FBXO33: variants seen among roughly 807,000 people sequenced by gnomAD.
FBXO33 encodes F-box only protein 33.
A neutral mutation model predicts 46.3 loss-of-function variants in FBXO33; 22 were observed. The observed-to-expected ratio is 0.48, with a 90% CI of 0.34 to 0.68. The LOEUF (loss-of-function observed/expected upper bound fraction) is 0.68. FBXO33 is among the 30% of genes least tolerant of loss of function. FBXO33 has a pLI of 0.01. For synonymous variants in FBXO33, 337 were observed against 291.3 expected (o/e 1.16, Z -1.60); for missense variants, 692 against 708.8 (o/e 0.98, Z 0.27).
chr14:39,427,330 CCT>C (rs1299522016), intron 1 of FBXO33, among the ~76,000 whole-genome samples: 1 of 152,148 alleles, frequency 6.6e-6, no homozygotes, highest in Non-Finnish European at 1.5e-5. Flanking sequence ...CCCTAAGGAG[CCT>C]CTTTTTCAGT....
rs1215646580 is a variant in FBXO33, at chr14:39,401,662, G to T, written c.910C>A (p.Arg304=). ...GCAAGTGAGTGCAGATTCACAAATC[G>T]CTCCAGTTCAACTGCAGTAATAAGA... is the stretch of plus-strand genomic sequence containing the variant. The part of the protein sequence containing the change: ...STLITAVELE[R]FVNLHSLALD... The change falls in exon 3 of 4, where the codon CGA becomes AGA. Residue 304 remains arginine (R), a synonymous_variant. Transcript: ENST00000298097. The T allele has an allele frequency of 6.2e-7, 1 of 1,614,160 alleles. No individual in the cohort carries two copies. Among genetic ancestry groups the T allele is most frequent in the South Asian group, 1.1e-5 (1 of 91,080 alleles).
In FBXO33 at chr14:39,432,026, C is replaced by G. The variant is rs1364238055; in HGVS notation, c.137G>C (p.Arg46Pro). The G allele has an allele frequency of 7.1e-7, 1 of 1,405,292 alleles. No homozygotes were observed. Among genetic ancestry groups the G allele is most frequent in the Non-Finnish European group, 9.2e-7 (1 of 1,090,328 alleles). 87.1% of individuals were successfully genotyped at this position (1,405,292 alleles called of 1,614,324 possible). A position where few individuals can be genotyped will look rare whatever the true frequency, so the allele number is the denominator to read the frequency against. ...CCGGCTGCCGGCTCCCGGCCGCCCC[C>G]GCAGTACCCGGAGCAGCCCCCGCAG... ...RRLRGLLRVLRGRPGAGSRRR... is the reference protein window; with the variant it reads ...RRLRGLLRVLPGRPGAGSRRR... The change falls in exon 1 of 4, where the codon CGG becomes CCG. Residue 46 changes from arginine to proline, a missense_variant. Physicochemically the swap from Arg to Pro is moderately radical, Grantham distance 103 (BLOSUM62 -2). Around this residue, in one of 3 missense-constraint regions of FBXO33, gnomAD observed 412 missense variants for 370.8 expected, o/e 1.11. Transcript: ENST00000298097.
intron 1 of FBXO33, among the ~76,000 whole-genome samples, chr14:39,426,353 A>C (rs2075514583): frequency 1.3e-5 from 2 of 152,084 alleles, no homozygotes; most frequent in Admixed American, 1.3e-4. Flanking sequence ...CCTCCATCAT[A>C]GTTCAAGCTA....
chr14:39,405,697 G>A (rs2075393333), intron 1 of FBXO33, among the ~76,000 whole-genome samples: 1 of 151,870 alleles, frequency 6.6e-6, no homozygotes, highest in East Asian at 1.9e-4. Flanking sequence ...CCAACATTGT[G>A]AGAAAAATGT....
chr14:39,402,053 A>T (rs2075371113), intron 2 of FBXO33, among the ~76,000 whole-genome samples, 192 bp from the exon 3 acceptor site: 2 of 152,354 alleles, frequency 1.3e-5, no homozygotes, highest in South Asian at 4.1e-4. Context: ...GGTATATTAA[A>T]CATAAAGATC....
At chr14:39,419,752 T>C (rs1479252168) in intron 1 of FBXO33, among the ~76,000 whole-genome samples, 3 of 152,304 alleles carry the variant, frequency 2.0e-5, no homozygotes, top group African/African-American at 4.8e-5. Flanking sequence ...TTAAAAGACA[T>C]GTAACAAAAA....
In FBXO33 at chr14:39,432,343, C is replaced by T; in HGVS notation, c.-181G>A. The T allele has an allele frequency of 2.6e-6, 1 of 387,150 alleles. No individual in the cohort carries two copies. The highest frequency in any genetic ancestry group is 4.2e-6 in the Non-Finnish European group (1 of 238,492). The allele number at this position is 387,150 out of a possible 1,614,324, so 24.0% of individuals were successfully genotyped here. On this transcript the variant is annotated 5_prime_UTR_variant, in exon 1 of 4. Transcript: ENST00000298097. The stretch of plus-strand genomic sequence containing the variant: ...ACACTGAGTAACTGCACTGCCCTCG[C>T]TCGTAAACTTCAGCGGCCCGGAAGC...
chr14:39,428,820 T>C (rs1481806360), intron 1 of FBXO33, among the ~76,000 whole-genome samples: 1 of 152,328 alleles, frequency 6.6e-6, no homozygotes, highest in African/African-American at 2.4e-5. Flanking sequence ...CAATTTCTTA[T>C]AGAACGACTG....
chr14:39,397,927 CTG>C lies in FBXO33; in HGVS notation c.*1587_*1588del, dbSNP rs1381984236. On this transcript the variant is annotated 3_prime_UTR_variant, in exon 4 of 4. Transcript: ENST00000298097. Reference sequence around the variant, plus strand: ...TCACCACATCTGGCATTTACACACACTGTGCCAGTGGATTCACACTACTGATG... The same window carrying C: ...TCACCACATCTGGCATTTACACACACTGCCAGTGGATTCACACTACTGATG... The C allele has an allele frequency of 6.6e-6, 1 of 152,654 alleles. No homozygotes were observed. The highest frequency in any genetic ancestry group is 1.5e-5 in the Non-Finnish European group (1 of 68,042). 9.5% of individuals were successfully genotyped at this position (152,654 alleles called of 1,614,324 possible).
intron 1 of FBXO33, among the ~76,000 whole-genome samples, chr14:39,414,885 C>A (rs2075440207): frequency 6.6e-6 from 1 of 152,086 alleles, no homozygotes. Context: ...TCTTAAACTC[C>A]TGTGCTCAAG....
chr14:39,399,882 G>A, intron 3 of FBXO33, 95 bp from the exon 4 acceptor site: 1 of 1,322,782 alleles, frequency 7.6e-7, no homozygotes, highest in Non-Finnish European at 9.9e-7. Flanking sequence ...TTCTAGAGAA[G>A]CTTCAAATTT....
rs143272965 is a variant in FBXO33, at chr14:39,412,857, C to T, written c.600-10346G>A. 4.3e-4 allele frequency among the ~76,000 whole-genome samples: 65 copies of T among 152,354 alleles called. No homozygotes were observed. In the East Asian group the frequency reaches 6.9e-3, roughly 16 times the overall value. On this transcript the variant is annotated intron_variant, in intron 1 of 3. Coordinates refer to ENST00000298097, the MANE Select transcript of FBXO33 (RefSeq NM_203301.4). ...CAGCGTTATGTCTAAAAAAGCAATA[C>T]ATATACCTTAGGTAAAAAACACTTT...
At chr14:39,408,968 G>T (rs1357722544) in intron 1 of FBXO33, among the ~76,000 whole-genome samples, 2 of 151,796 alleles carry the variant, frequency 1.3e-5, no homozygotes, top group African/African-American at 4.8e-5. Flanking sequence ...GTACAGATGG[G>T]GTTTTATCAT....
intron 1 of FBXO33, among the ~76,000 whole-genome samples, chr14:39,407,531 A>G (rs553057874): frequency 1.1e-4 from 17 of 152,344 alleles, no homozygotes; most frequent in South Asian, 8.3e-4. Flanking sequence ...GATACCTCAC[A>G]TAAGTGGAGT....
At chr14:39,416,582 G>T (rs543077626) in intron 1 of FBXO33, among the ~76,000 whole-genome samples, 8 of 151,730 alleles carry the variant, frequency 5.3e-5, no homozygotes, top group Non-Finnish European at 1.0e-4. Flanking sequence ...ACCTGTTTTC[G>T]ATTCTTTCTT....
intron 1 of FBXO33, among the ~76,000 whole-genome samples, chr14:39,423,984 T>C (rs894770210): frequency 6.6e-6 from 1 of 152,204 alleles, no homozygotes; most frequent in Non-Finnish European, 1.5e-5. Flanking sequence ...CCCCAGTGTC[T>C]ATTGTTTCTA....
chr14:39,431,445 CA>C, intron 1 of FBXO33, 118 bp downstream of exon 1: 1 of 1,524,796 alleles, frequency 6.6e-7, no homozygotes. Flanking sequence ...CACTCTCCGT[CA>C]CTGAGGAAGG....
chr14:39,432,282 C>G lies in FBXO33; in HGVS notation c.-120G>C, dbSNP rs960301951. 8.5e-6 allele frequency: 7 copies of G among 828,232 alleles called. No individual in the cohort carries two copies. The African/African-American group carries it at 1.3e-4, about 15-fold the overall frequency. 51.3% of individuals were successfully genotyped at this position (828,232 alleles called of 1,614,324 possible). A position where few individuals can be genotyped will look rare whatever the true frequency, so the allele number is the denominator to read the frequency against. On this transcript the variant is annotated 5_prime_UTR_variant, in exon 1 of 4. Transcript: ENST00000298097. Reference sequence around the variant, plus strand: ...TGGCCTGCCGGGAGCCAGCCTCTGTCTTCTCAAACTCTACTCACGTGCGTC... The same window carrying G: ...TGGCCTGCCGGGAGCCAGCCTCTGTGTTCTCAAACTCTACTCACGTGCGTC...
chr14:39,423,599 T>C (rs910362321), intron 1 of FBXO33, among the ~76,000 whole-genome samples: 3 of 152,190 alleles, frequency 2.0e-5, no homozygotes, highest in African/African-American at 4.8e-5. Context: ...ACAACTATTA[T>C]AGTGAGGTCT....
Sources: allele counts gnomAD v4.1 joint callset (sites outside exome capture counted in the v4.1 genomes callset), GRCh38; gene constraint gnomAD v4.1.1; regional missense constraint gnomAD v4.1.1; transcripts MANE v1.5; gene names NCBI Gene and HGNC (gene_info 2026-07-23, HGNC 2026-07-21).